The following CRYBG1 variants were observed in gnomAD, a reference collection of about 807,000 sequenced individuals.
CRYBG1 encodes beta/gamma crystallin domain-containing protein 1.
A neutral mutation model predicts 189.2 loss-of-function variants in CRYBG1; 139 were observed. That is an observed-to-expected ratio of 0.73 (90% confidence interval 0.64 to 0.85). The LOEUF (loss-of-function observed/expected upper bound fraction) is 0.85. Ranked by LOEUF, CRYBG1 falls within the 40% of genes least tolerant of loss-of-function variation. The pLI is 0.00. For synonymous variants in CRYBG1, 1,023 were observed against 1,017.1 expected, an observed-to-expected ratio of 1.01 and a Z score of -0.11; for missense variants, 2,611 against 2,675.8, an observed-to-expected ratio of 0.98 and a Z score of 0.53.
chr6:106,382,454 T>A lies in CRYBG1; in HGVS notation c.173+21373T>A, dbSNP rs140441319. Among the ~76,000 whole-genome samples, 502 of 152,316 alleles carry A rather than the reference T, an allele frequency of 3.3e-3. 1 individual carries two copies. Among genetic ancestry groups the A allele is most frequent in the African/African-American group, 0.011 (471 of 41,578 alleles). On this transcript the variant is annotated intron_variant, in intron 1 of 21. Coordinates refer to ENST00000633556, the MANE Select transcript of CRYBG1 (RefSeq NM_001371242.2). ...ATCATTCCTGAAAGATTTTGAAACA[T>A]CTGGACTTTGAAATTTTTGTTCCTT... is the stretch of plus-strand genomic sequence containing the variant.
chr6:106,383,176 C>T (rs961960715), intron 1 of CRYBG1, among the ~76,000 whole-genome samples: 12 of 152,074 alleles, frequency 7.9e-5, no homozygotes, highest in African/African-American at 2.7e-4. Context: ...TCTAGTATTT[C>T]TCAAAATGTG....
At chr6:106,548,646 C>A (rs1336796992) in intron 13 of CRYBG1, among the ~76,000 whole-genome samples, 1 of 152,096 alleles carries the variant, frequency 6.6e-6, no homozygotes, top group Non-Finnish European at 1.5e-5. Context: ...ACTCGGAGCC[C>A]TGGTGAGAAC....
At chr6:106,404,203 G>T (rs1013429140) in intron 1 of CRYBG1, among the ~76,000 whole-genome samples, 6 of 152,196 alleles carry the variant, frequency 3.9e-5, no homozygotes, top group African/African-American at 1.4e-4. Context: ...TTGCTGCGAG[G>T]TTAGATGCCT....
At chr6:106,541,542 G>A in intron 9 of CRYBG1, 44 bp from the exon 10 acceptor site, 1 of 1,575,824 alleles carries the variant, frequency 6.3e-7, no homozygotes, top group South Asian at 1.1e-5. Context: ...AAATGGTAAT[G>A]TATCAGTGAA....
intron 13 of CRYBG1, among the ~76,000 whole-genome samples, chr6:106,551,213 T>C (rs1774397333): frequency 6.6e-6 from 1 of 152,050 alleles, no homozygotes; most frequent in South Asian, 2.1e-4. Flanking sequence ...TAGCTCCCAC[T>C]TATGGGCAAG....
intron 8 of CRYBG1, among the ~76,000 whole-genome samples, chr6:106,536,255 T>C (rs948221720): frequency 6.6e-5 from 10 of 152,238 alleles, no homozygotes; most frequent in African/African-American, 2.4e-4. Flanking sequence ...GGATACTTCA[T>C]ATAGATAGTG....
intron 2 of CRYBG1, among the ~76,000 whole-genome samples, chr6:106,505,743 A>T (rs1485842100): frequency 1.3e-5 from 2 of 151,862 alleles, no homozygotes; most frequent in Non-Finnish European, 2.9e-5. Context: ...TTTACAAAAA[A>T]ACTGCTCAGG....
Position 106,519,287 on chromosome 6 carries a change from A to G in CRYBG1, c.2079A>G (p.Pro693=). Residue 693 remains proline, a synonymous_variant, in exon 4 of 22, where the codon CCA becomes CCG. Transcript: ENST00000633556. ...LFENKRTNSS[P]RHTDIRGQRN... is the part of the protein sequence containing the mutation. ...AAAACAAACGGACAAACAGTAGCCC[A>G]AGACACACTGACATTCGAGGCCAAA... 2 of 1,614,146 alleles carry G rather than the reference A, an allele frequency of 1.2e-6. No homozygotes were observed. The highest frequency in any genetic ancestry group is 1.7e-6 in the Non-Finnish European group (2 of 1,180,012).
Position 106,512,532 on chromosome 6 carries a change from C to T in CRYBG1, c.1415C>T (p.Ala472Val). Residue 472 changes from alanine (A) to valine (V), a missense_variant, in exon 3 of 22, where the codon GCA becomes GTA. Ala to Val is a moderately conservative substitution (Grantham distance 64). Around this residue, in one of 3 missense-constraint regions of CRYBG1, gnomAD observed 985 missense variants for 924.4 expected, o/e 1.07. Transcript: ENST00000633556. ...SAEKKVKSPRAALDGGVASAA... is the reference protein window; with the variant it reads ...SAEKKVKSPRVALDGGVASAA... ...GAAAAGAAAGTGAAATCTCCGCGGG[C>T]AGCCCTCGACGGGGGCGTTGCCTCC... 1 of 1,608,824 alleles carries T rather than the reference C, an allele frequency of 6.2e-7. No individual in the cohort carries two copies.
chr6:106,544,160 A>G (rs1004548980), intron 11 of CRYBG1, among the ~76,000 whole-genome samples: 2 of 152,208 alleles, frequency 1.3e-5, no homozygotes, highest in Non-Finnish European at 2.9e-5. Context: ...TCTGATTTTT[A>G]TATTTTTGCA....
At chr6:106,496,745 G>A (rs865794969) in intron 2 of CRYBG1, among the ~76,000 whole-genome samples, 2 of 152,224 alleles carry the variant, frequency 1.3e-5, no homozygotes, top group African/African-American at 4.8e-5. Flanking sequence ...TTTGAAGGTT[G>A]TTTGTCTCTT....
At chr6:106,370,298 G>A (rs531877772) in intron 1 of CRYBG1, among the ~76,000 whole-genome samples, 116 of 152,296 alleles carry the variant, frequency 7.6e-4, no homozygotes, top group Non-Finnish European at 1.3e-3. Context: ...GACCTACTTC[G>A]TACCCCTTCT....
intron 2 of CRYBG1, among the ~76,000 whole-genome samples, chr6:106,464,501 A>AC (rs1772074215): frequency 6.6e-6 from 1 of 151,820 alleles, no homozygotes; most frequent in Non-Finnish European, 1.5e-5. Flanking sequence ...TCAAAAAAAA[A>AC]AAAAAAATCT....
chr6:106,548,857 A>G (rs893784891), intron 13 of CRYBG1, among the ~76,000 whole-genome samples: 1 of 150,620 alleles, frequency 6.6e-6, no homozygotes, highest in Non-Finnish European at 1.5e-5. Flanking sequence ...CTCGTCATCT[A>G]GCATTAGGTA....
At chr6:106,477,615 A>C (rs1475223663) in intron 2 of CRYBG1, among the ~76,000 whole-genome samples, 1 of 152,236 alleles carries the variant, frequency 6.6e-6, no homozygotes, top group Non-Finnish European at 1.5e-5. Context: ...AACTCCTAGC[A>C]AAACATCTCT....
intron 1 of CRYBG1, among the ~76,000 whole-genome samples, chr6:106,422,301 C>A (rs1011137354): frequency 1.5e-5 from 2 of 130,786 alleles, no homozygotes; most frequent in East Asian, 2.2e-4. Flanking sequence ...CCTTTCTAAT[C>A]AAAATCCCAA....
intron 16 of CRYBG1, 57 bp downstream of exon 16, chr6:106,553,624 C>T: frequency 5.9e-6 from 7 of 1,177,090 alleles, no homozygotes; most frequent in African/African-American, 1.5e-5. Flanking sequence ...AGAATTCACA[C>T]ATCAGCAAGT....
At chr6:106,447,547 AATATATATATAT>A (rs59943398) in intron 1 of CRYBG1, among the ~76,000 whole-genome samples, 1 of 141,058 alleles carries the variant, frequency 7.1e-6, no homozygotes, top group Admixed American at 7.2e-5. Flanking sequence ...GTACCTCATA[AATATATATATAT>A]ATATATATAT....
chr6:106,509,183 C>G (rs150563798), intron 2 of CRYBG1, among the ~76,000 whole-genome samples: 2 of 152,262 alleles, frequency 1.3e-5, no homozygotes, highest in Non-Finnish European at 2.9e-5. Flanking sequence ...TCAGACTTTA[C>G]CTGTGGTGGG....
Sources: allele counts gnomAD v4.1 joint callset (sites outside exome capture counted in the v4.1 genomes callset), GRCh38; gene constraint gnomAD v4.1.1; regional missense constraint gnomAD v4.1.1; transcripts MANE v1.5; gene names NCBI Gene and HGNC (gene_info 2026-07-23, HGNC 2026-07-21).